Variants in FAM222B observed in about 807,000 individuals in gnomAD.
FAM222B encodes the protein protein FAM222B.
FAM222B carries 12 observed loss-of-function variants against 38.0 expected under a neutral mutation model. The observed-to-expected ratio is 0.32, with a 90% CI of 0.20 to 0.51. The LOEUF is 0.51. Ranked by LOEUF, FAM222B falls within the 20% of genes least tolerant of loss-of-function variation. The pLI, the probability that FAM222B is intolerant of heterozygous loss-of-function variation, is 0.97. For missense variants in FAM222B, 716 were observed against 754.2 expected, an observed-to-expected ratio of 0.95 and a Z score of 0.59; for synonymous variants, 329 against 317.2, an observed-to-expected ratio of 1.04 and a Z score of -0.40.
chr17:28,796,070 G>T (rs978231840), intron 1 of FAM222B, among the ~76,000 whole-genome samples: 23 of 152,286 alleles, frequency 1.5e-4, no homozygotes, highest in African/African-American at 4.8e-4. Flanking sequence ...CCTGGAAAAA[G>T]AAATAACTGC....
intron 1 of FAM222B, among the ~76,000 whole-genome samples, chr17:28,848,668 G>T (rs2039161219): frequency 6.6e-6 from 1 of 152,012 alleles, no homozygotes; most frequent in Non-Finnish European, 1.5e-5. Context: ...TGAGGCAGGA[G>T]AATCGCTTGA....
At chr17:28,766,538 G>A in intron 2 of FAM222B, 48 bp downstream of exon 2, 1 of 1,505,792 alleles carries the variant, frequency 6.6e-7, no homozygotes, top group East Asian at 2.4e-5. Context: ...CAAATGTAGA[G>A]ACAAAAACAA....
Position 28,808,116 on chromosome 17 carries a change from A to G in FAM222B, c.-41+34566T>C, listed in dbSNP as rs573481831. Among the ~76,000 whole-genome samples the G allele has an allele frequency of 1.2e-4, 18 of 152,148 alleles. No individual in the cohort carries two copies. The East Asian group carries it at 2.7e-3, about 23-fold the overall frequency. ...TGCCCTCAATTGTTTACTCTGTCCT[A>G]TTTTTCCACACGTCCAGCAGGCCCA... On this transcript the variant is annotated intron_variant, in intron 1 of 2. Transcript: ENST00000581407.
chr17:28,812,054 G>C (rs900427747), intron 1 of FAM222B: 1 of 152,160 alleles, frequency 6.6e-6, no homozygotes, highest in African/African-American at 2.4e-5. Context: ...GCAGGGGTGA[G>C]ATGAAGGGAA....
intron 1 of FAM222B, among the ~76,000 whole-genome samples, chr17:28,838,535 G>A (rs2038927808): frequency 6.6e-6 from 1 of 151,728 alleles, no homozygotes; most frequent in Admixed American, 6.6e-5. Context: ...AGCCGAGATC[G>A]CGTCACTGCA....
chr17:28,759,969 C>T lies in FAM222B; in HGVS notation c.83-93G>A. 7.9e-7 allele frequency: 1 copy of T among 1,270,154 alleles called. No individual in the cohort carries two copies. The highest frequency in any genetic ancestry group is 1.1e-6 in the Non-Finnish European group (1 of 935,170). The allele number at this position is 1,270,154 out of a possible 1,614,324, so 78.7% of individuals were successfully genotyped here. On this transcript the variant is annotated intron_variant, in intron 2 of 2. Coordinates refer to ENST00000581407, the MANE Select transcript of FAM222B (RefSeq NM_001077498.3). The surrounding 1 kb of genome is among the most constrained non-coding windows in gnomAD (Gnocchi z 4.8). ...CCTTCCAGATTCCCCTTTTGAGGGC[C>T]TGGGGTGGGGTGGGGAAATGACTAG...
chr17:28,759,199 C>A lies in FAM222B; in HGVS notation c.760G>T (p.Ala254Ser). 1 of 1,613,558 alleles carries A rather than the reference C, an allele frequency of 6.2e-7. No individual in the cohort carries two copies. The change falls in exon 3 of 3, where the codon GCG becomes TCG. Residue 254 changes from alanine (A) to serine (S), a missense_variant. Ala to Ser is a moderately conservative substitution (Grantham distance 99, BLOSUM62 1). Coordinates refer to ENST00000581407, the MANE Select transcript of FAM222B (RefSeq NM_001077498.3). This position sits in a 1 kb window ranked among gnomAD's most constrained non-coding sequence, Gnocchi z 4.8. ...VSTSTIPLSMAATLQHSQPPD... is the reference protein window; with the variant it reads ...VSTSTIPLSMSATLQHSQPPD... Reference sequence around the variant, plus strand: ...GGCTGGCTGTGCTGCAGAGTGGCCGCCATTGAAAGGGGGATAGTTGAGGTA... The same window carrying A: ...GGCTGGCTGTGCTGCAGAGTGGCCGACATTGAAAGGGGGATAGTTGAGGTA...
intron 1 of FAM222B, among the ~76,000 whole-genome samples, chr17:28,802,015 A>AAAAAAGAAAAAAAG (rs1200872593): frequency 1.3e-5 from 2 of 151,574 alleles, no homozygotes; most frequent in Non-Finnish European, 2.9e-5. Context: ...TGCAAAAAAA[A>AAAAAAGAAAAAAAG]AAAAAGAAAA....
chr17:28,762,112 G>T (rs1189017180), intron 2 of FAM222B: 5 of 152,072 alleles, frequency 3.3e-5, no homozygotes, highest in African/African-American at 1.2e-4. Context: ...ACATTGATTA[G>T]TTTTCTTTGT....
At chr17:28,805,939 C>T (rs1049487285) in intron 1 of FAM222B, among the ~76,000 whole-genome samples, 4 of 152,136 alleles carry the variant, frequency 2.6e-5, no homozygotes, top group Admixed American at 6.6e-5. Flanking sequence ...GTCGGGAGTT[C>T]GAGACCAGCC....
chr17:28,761,168 C>G (rs1348329059), intron 2 of FAM222B, among the ~76,000 whole-genome samples: 1 of 152,198 alleles, frequency 6.6e-6, no homozygotes, highest in Non-Finnish European at 1.5e-5. Flanking sequence ...CTCTTTGTTC[C>G]CATCTCCTGT....
rs2034761197 is a variant in FAM222B, at chr17:28,757,508, GGACAGGC to G, written c.*755_*761del. On this transcript the variant is annotated 3_prime_UTR_variant, in exon 3 of 3. Transcript: ENST00000581407. The stretch of plus-strand genomic sequence containing the variant: ...AGGGGCTGTGGGGAGGTGAGTTAGG[GGACAGGC>G]AACAGTGAGAAAGGGATCTTGGGTA... The G allele has an allele frequency of 6.6e-6, 1 of 152,054 alleles. No individual in the cohort carries two copies. The highest frequency in any genetic ancestry group is 6.6e-5 in the Admixed American group (1 of 15,262). 9.4% of individuals were successfully genotyped at this position (152,054 alleles called of 1,614,324 possible).
chr17:28,769,711 G>A lies in FAM222B; in HGVS notation c.-40-3004C>T, dbSNP rs80117046. Among the ~76,000 whole-genome samples the A allele has an allele frequency of 8.7e-4, 132 of 152,246 alleles. No individual in the cohort carries two copies. The East Asian group carries it at 0.022, about 26-fold the overall frequency. ...AGGCCCTCCATGATCTATTACTACT[G>A]GTTCTCTGACCTCACCTTCTGACCT... is the stretch of plus-strand genomic sequence containing the variant. On this transcript the variant is annotated intron_variant, in intron 1 of 2. Coordinates refer to ENST00000581407, the MANE Select transcript of FAM222B (RefSeq NM_001077498.3).
At chr17:28,846,847 G>C (rs565869996), upstream of FAM222B, among the ~76,000 whole-genome samples, 96 of 152,120 alleles carry the variant, frequency 6.3e-4, 1 homozygote, top group South Asian at 0.019. Flanking sequence ...CAGCACTTGG[G>C]GAGGCCAAGG....
At chr17:28,769,174 C>CTTTTTTT (rs35918064) in intron 1 of FAM222B, among the ~76,000 whole-genome samples, 199 of 82,550 alleles carry the variant, frequency 2.4e-3, no homozygotes, top group Non-Finnish European at 3.2e-3. Context: ...AATGTTAGTT[C>CTTTTTTT]TTTTTTTTTT....
At chr17:28,833,612 CAAAAAAAAAAAA>C (rs370065990) in intron 1 of FAM222B, among the ~76,000 whole-genome samples, 22 of 73,210 alleles carry the variant, frequency 3.0e-4, no homozygotes, top group Non-Finnish European at 5.4e-4. Flanking sequence ...GACTTTGTCT[CAAAAAAAAAAAA>C]AAAAAAAAGA....
chr17:28,758,074 T>G lies in FAM222B; in HGVS notation c.*196A>C. The G allele has an allele frequency of 3.7e-6, 2 of 533,532 alleles. No homozygotes were observed. The highest frequency in any genetic ancestry group is 6.2e-5 in the East Asian group (2 of 32,130). 33.0% of individuals were successfully genotyped at this position (533,532 alleles called of 1,614,324 possible). On this transcript the variant is annotated 3_prime_UTR_variant, in exon 3 of 3. Coordinates refer to ENST00000581407, the MANE Select transcript of FAM222B (RefSeq NM_001077498.3). The stretch of plus-strand genomic sequence containing the variant: ...CTGGGCTTAGGGTTAGGTTCTAACA[T>G]AAAACCAAAAGTTGCTGGAGGGGAG...
rs1469665849 is a variant in FAM222B at position 28,758,704 on chromosome 17, A to C, written c.1255T>G (p.Ser419Ala). ...TCCAGGGGTGGCTTCAGATGGAAGGACTGCGCCAGGCAGAGTTCCTGCGGG... is the reference window on the plus strand; with the variant it reads ...TCCAGGGGTGGCTTCAGATGGAAGGCCTGCGCCAGGCAGAGTTCCTGCGGG... ...AYPQELCLAQ[S>A]FHLKPPLEKP... Residue 419 changes from serine to alanine, a missense_variant, in exon 3 of 3, where the codon TCC becomes GCC. By Grantham distance (99) the Ser-to-Ala change is moderately conservative (BLOSUM62 1). Coordinates refer to ENST00000581407, the MANE Select transcript of FAM222B (RefSeq NM_001077498.3). The C allele has an allele frequency of 3.8e-6, 6 of 1,598,704 alleles. No homozygotes were observed. The highest frequency in any genetic ancestry group is 5.1e-6 in the Non-Finnish European group (6 of 1,170,902).
intron 1 of FAM222B, among the ~76,000 whole-genome samples, chr17:28,781,506 CAT>C (rs1485089347): frequency 1.3e-5 from 2 of 151,928 alleles, no homozygotes; most frequent in African/African-American, 4.8e-5. Context: ...ACAGAACTAC[CAT>C]ATGATCCAGC....
Sources: gnomAD v4.1 joint callset for allele counts (sites outside exome capture counted in the v4.1 genomes callset) on GRCh38, gnomAD v4.1.1 for gene constraint, Gnocchi (gnomAD v3.1) non-coding constraint, MANE v1.5 for transcripts, NCBI Gene and HGNC (gene_info 2026-07-23, HGNC 2026-07-21) for gene names.